ANO4: variants seen among roughly 807,000 people sequenced by gnomAD.
ANO4 encodes the protein anoctamin-4.
A neutral mutation model predicts 141.9 loss-of-function variants in ANO4; 69 were observed. The observed-to-expected ratio is 0.49, with a 90% CI of 0.40 to 0.59. The LOEUF is 0.59. Among genes scored for constraint, ANO4 ranks in the 20% least tolerant of loss-of-function variants. The pLI, the probability that ANO4 is intolerant of heterozygous loss-of-function variation, is 0.00. For synonymous variants in ANO4, 350 were observed against 394.3 expected (o/e 0.89, Z 1.33); for missense variants, 894 against 1,162.2 (o/e 0.77, Z 3.36).
Position 100,993,583 on chromosome 12 carries a change from T to TG in ANO4, c.734+5918dup, listed in dbSNP as rs538263000. On this transcript the variant is annotated intron_variant, in intron 8 of 27. Transcript: ENST00000392977. ...CAGCACTATCTAGTGTGGGTCACTC[T>TG]GGGGGAAGGAGGCATATGTCTCTGA... Among the ~76,000 whole-genome samples the TG allele has an allele frequency of 1.0e-3, 154 of 152,174 alleles. 1 individual carries two copies. The highest frequency in any genetic ancestry group is 1.8e-3 in the Non-Finnish European group (120 of 68,010).
At position 100,946,153 on chromosome 12, in the gene ANO4, A is replaced by G. The variant is rs1457478916; in HGVS notation, c.456+3618A>G. Reference sequence around the variant, plus strand: ...TTCATGGAACAGTGAGGATGCCAGTATGACTGGAGTTCACTGAGCAAGGTG... The same window carrying G: ...TTCATGGAACAGTGAGGATGCCAGTGTGACTGGAGTTCACTGAGCAAGGTG... On this transcript the variant is annotated intron_variant, in intron 5 of 27. Coordinates refer to ENST00000392977, the MANE Select transcript of ANO4 (RefSeq NM_001286615.2). Among the ~76,000 whole-genome samples, 6 of 152,292 alleles carry G rather than the reference A, an allele frequency of 3.9e-5. No homozygotes were observed. The East Asian group carries it at 7.7e-4, about 20-fold the overall frequency.
intron 1 of ANO4, among the ~76,000 whole-genome samples, chr12:100,808,989 A>T (rs1028169957): frequency 6.6e-6 from 1 of 152,206 alleles, no homozygotes; most frequent in East Asian, 1.9e-4. Context: ...TAAGCACTTA[A>T]TGAACACTTA....
chr12:101,027,817 A>G (rs1349488190), intron 9 of ANO4, among the ~76,000 whole-genome samples: 2 of 152,162 alleles, frequency 1.3e-5, no homozygotes, highest in Non-Finnish European at 2.9e-5. Context: ...CCACCAAGAG[A>G]CAGTGAAAAT....
chr12:101,099,170 T>A (rs2050097478), intron 21 of ANO4, among the ~76,000 whole-genome samples: 1 of 152,148 alleles, frequency 6.6e-6, no homozygotes, highest in African/African-American at 2.4e-5. Flanking sequence ...AGGCCCCTGA[T>A]GTCAGAGTAT....
chr12:101,111,960 G>A (rs2050680925), intron 24 of ANO4, among the ~76,000 whole-genome samples: 1 of 152,172 alleles, frequency 6.6e-6, no homozygotes, highest in African/African-American at 2.4e-5. Context: ...GGAATCCAAT[G>A]TAAGAGTGGC....
At chr12:101,010,691 T>G (rs1202122243) in intron 8 of ANO4, among the ~76,000 whole-genome samples, 2 of 152,190 alleles carry the variant, frequency 1.3e-5, no homozygotes, top group African/African-American at 4.8e-5. Flanking sequence ...TTGCTTCTCC[T>G]TGTTAAAAAA....
intron 5 of ANO4, among the ~76,000 whole-genome samples, chr12:100,954,330 G>A (rs573356931): frequency 1.1e-4 from 16 of 152,264 alleles, no homozygotes; most frequent in South Asian, 4.1e-4. Context: ...AGGTGCCGGC[G>A]TGGAAGCCAC....
intron 1 of ANO4, among the ~76,000 whole-genome samples, chr12:100,722,367 C>T (rs2030905304): frequency 6.6e-6 from 1 of 152,176 alleles, no homozygotes; most frequent in Non-Finnish European, 1.5e-5. Flanking sequence ...TAAAATTCTC[C>T]AGTGGCTCTT....
At chr12:101,012,454 A>G (rs1490588657) in intron 8 of ANO4, among the ~76,000 whole-genome samples, 3 of 152,216 alleles carry the variant, frequency 2.0e-5, no homozygotes, top group Admixed American at 1.3e-4. Context: ...ATTTGAGAAC[A>G]AAATGTTGGG....
At chr12:100,717,415 G>C (rs1246535907), upstream of ANO4, 3 of 380,014 alleles carry the variant, frequency 7.9e-6, no homozygotes, top group African/African-American at 2.1e-5. Flanking sequence ...GCGCCCGGGC[G>C]CCGCTAGAGC....
intron 15 of ANO4, among the ~76,000 whole-genome samples, chr12:101,082,872 C>T (rs534598447): frequency 6.6e-6 from 1 of 151,674 alleles, no homozygotes; most frequent in African/African-American, 2.4e-5. Flanking sequence ...GCCATCCTCT[C>T]CCAACACTCT....
At chr12:100,833,066 C>T (rs1313832911) in intron 1 of ANO4, among the ~76,000 whole-genome samples, 2 of 152,004 alleles carry the variant, frequency 1.3e-5, no homozygotes, top group Non-Finnish European at 2.9e-5. Context: ...ATTTTCGCAA[C>T]GTATTTGTGA....
intron 14 of ANO4, among the ~76,000 whole-genome samples, chr12:101,062,369 C>T (rs1341073837): frequency 6.6e-6 from 1 of 152,210 alleles, no homozygotes; most frequent in Non-Finnish European, 1.5e-5. Flanking sequence ...CATCAGGGAC[C>T]CACTTGAGGA....
chr12:101,097,744 A>C (rs1251599929), intron 20 of ANO4, 36 bp downstream of exon 20: 2 of 1,611,964 alleles, frequency 1.2e-6, no homozygotes, highest in Non-Finnish European at 1.7e-6. Context: ...TTTCCGACAG[A>C]CTTGCATTAA....
intron 1 of ANO4, among the ~76,000 whole-genome samples, chr12:100,847,379 TG>T (rs2037621192): frequency 6.6e-6 from 1 of 152,224 alleles, no homozygotes; most frequent in African/African-American, 2.4e-5. Flanking sequence ...TATCTTTGTA[TG>T]GTAGTTTGGT....
intron 8 of ANO4, among the ~76,000 whole-genome samples, chr12:100,989,035 A>G (rs1395582864): frequency 3.3e-5 from 5 of 152,164 alleles, no homozygotes; most frequent in Admixed American, 3.3e-4. Flanking sequence ...AAATCAAAGA[A>G]TAGATGTTCT....
intron 3 of ANO4, among the ~76,000 whole-genome samples, chr12:100,934,165 C>T (rs1434257653): frequency 2.0e-5 from 3 of 152,114 alleles, no homozygotes; most frequent in African/African-American, 7.2e-5. Flanking sequence ...ATCATGAAGT[C>T]CTTGCCCATG....
intron 17 of ANO4, among the ~76,000 whole-genome samples, chr12:101,089,313 A>G (rs563564592): frequency 9.2e-5 from 14 of 152,300 alleles, no homozygotes; most frequent in Middle Eastern, 3.4e-3. Flanking sequence ...AAATACATAA[A>G]ACATCTTTAT....
At chr12:101,015,453 A>G (rs2136466732) in intron 8 of ANO4, among the ~76,000 whole-genome samples, 1 of 152,274 alleles carries the variant, frequency 6.6e-6, no homozygotes, top group Admixed American at 6.5e-5. Context: ...ATCTATTTAC[A>G]GGTGCAGAAT....
Sources: allele counts gnomAD v4.1 joint callset (sites outside exome capture counted in the v4.1 genomes callset), GRCh38; gene constraint gnomAD v4.1.1; transcripts MANE v1.5; gene names NCBI Gene and HGNC (gene_info 2026-07-23, HGNC 2026-07-21).